The following VPS13B variants were observed in gnomAD, a reference collection of about 807,000 sequenced individuals.
VPS13B encodes the protein intermembrane lipid transfer protein VPS13B.
In VPS13B, 285 loss-of-function variants were observed where a neutral mutation model predicts 426.4. That is an observed-to-expected ratio of 0.67 (90% CI 0.61 to 0.74). The LOEUF (loss-of-function observed/expected upper bound fraction) is 0.74. Ranked by LOEUF, VPS13B falls within the 30% of genes least tolerant of loss-of-function variation. The probability of loss-of-function intolerance (pLI) is 0.00; values close to 1 mark genes in which losing one functional copy is unlikely to be tolerated. For missense variants in VPS13B, 4,537 were observed against 4,782.6 expected (o/e 0.95, Z 1.51); for synonymous variants, 1,676 against 1,676.4 (o/e 1.00, Z 0.01).
At chr8:99,502,667 A>G (rs1360845282) in intron 26 of VPS13B, among the ~76,000 whole-genome samples, 169 bp from the exon 27 acceptor site, 1 of 152,234 alleles carries the variant, frequency 6.6e-6, no homozygotes, top group Non-Finnish European at 1.5e-5. Flanking sequence ...TAAATGTCTT[A>G]TCTTAATAAA....
intron 33 of VPS13B, among the ~76,000 whole-genome samples, chr8:99,606,801 A>G (rs922498057): frequency 1.3e-5 from 2 of 151,492 alleles, no homozygotes; most frequent in African/African-American, 4.9e-5. Context: ...CTAATTTTGT[A>G]TTTTCTAGAG....
At chr8:99,317,998 T>C (rs569660417) in intron 19 of VPS13B, among the ~76,000 whole-genome samples, 1 of 152,204 alleles carries the variant, frequency 6.6e-6, no homozygotes, top group Non-Finnish European at 1.5e-5. Context: ...GTTAGGAACA[T>C]TACGGAGCCT....
At chr8:99,103,809 G>GT (rs1405473817) in intron 5 of VPS13B, among the ~76,000 whole-genome samples, 5 of 151,962 alleles carry the variant, frequency 3.3e-5, no homozygotes, top group Admixed American at 6.6e-5. Context: ...AAATTTTTGT[G>GT]TTTTTTTGTA....
At chr8:99,757,762 C>CAT (rs1810713078) in intron 39 of VPS13B, among the ~76,000 whole-genome samples, 1 of 152,288 alleles carries the variant, frequency 6.6e-6, no homozygotes, top group East Asian at 1.9e-4. Flanking sequence ...GGCAGATATA[C>CAT]AACCTAAGAT....
At chr8:99,257,677 T>A (rs1489502412) in intron 17 of VPS13B, among the ~76,000 whole-genome samples, 1 of 152,196 alleles carries the variant, frequency 6.6e-6, no homozygotes, top group Non-Finnish European at 1.5e-5. Context: ...CAAATATTTT[T>A]AAAAATCTTT....
intron 42 of VPS13B, among the ~76,000 whole-genome samples, chr8:99,779,579 C>G (rs1175485524): frequency 6.6e-6 from 1 of 151,940 alleles, no homozygotes; most frequent in African/African-American, 2.4e-5. Context: ...AATTAGAGAG[C>G]CTTGATTATT....
intron 25 of VPS13B, among the ~76,000 whole-genome samples, chr8:99,500,747 C>A (rs1821185599): frequency 6.6e-6 from 1 of 152,146 alleles, no homozygotes; most frequent in Admixed American, 6.5e-5. Context: ...AAACGGACAG[C>A]AAAGTTTGGG....
intron 5 of VPS13B, among the ~76,000 whole-genome samples, chr8:99,104,099 C>T (rs1846914093): frequency 6.6e-6 from 1 of 152,144 alleles, no homozygotes; most frequent in African/African-American, 2.4e-5. Flanking sequence ...ATAGAGTGTA[C>T]TTACACAAAC....
intron 7 of VPS13B, among the ~76,000 whole-genome samples, chr8:99,116,367 A>C (rs979055441): frequency 6.6e-6 from 1 of 151,728 alleles, no homozygotes; most frequent in African/African-American, 2.4e-5. Flanking sequence ...GCTGGATAAC[A>C]TTCTGATTTT....
At chr8:99,685,166 A>G (rs1455560935) in intron 35 of VPS13B, among the ~76,000 whole-genome samples, 3 of 152,242 alleles carry the variant, frequency 2.0e-5, no homozygotes, top group Admixed American at 1.3e-4. Context: ...CAAAACTTCA[A>G]TAAATATACC....
At position 99,721,025 on chromosome 8, in the gene VPS13B, C is replaced by A. The variant is rs2130343810; in HGVS notation, c.7028C>A (p.Ala2343Glu). 1 of 1,613,968 alleles carries A rather than the reference C, an allele frequency of 6.2e-7. No individual in the cohort carries two copies. The highest frequency in any genetic ancestry group is 2.2e-5 in the East Asian group (1 of 44,852). ...ACAGAGGATCCAGATATTAGCACAG[C>A]AGACCTTGGTGATGTGCTACAGGTA... is the stretch of plus-strand genomic sequence containing the variant. ...NTTEDPDIST[A>E]DLGDVLQVPC... Residue 2343 changes from alanine (A) to glutamate (E), a missense_variant, in exon 39 of 62, where the codon GCA becomes GAA. Transcript: ENST00000357162.
intron 21 of VPS13B, among the ~76,000 whole-genome samples, chr8:99,392,371 T>C (rs1814492970): frequency 6.6e-6 from 1 of 152,192 alleles, no homozygotes; most frequent in Admixed American, 6.5e-5. Context: ...AAAATAATTT[T>C]TATGATTTTA....
intron 20 of VPS13B, among the ~76,000 whole-genome samples, chr8:99,385,586 A>C (rs997695589): frequency 6.6e-6 from 1 of 152,258 alleles, no homozygotes; most frequent in African/African-American, 2.4e-5. Context: ...CCATGGCCAC[A>C]GAAATAAAAG....
intron 47 of VPS13B, 129 bp from the exon 48 acceptor site, chr8:99,819,283 C>A: frequency 9.3e-7 from 1 of 1,077,786 alleles, no homozygotes; most frequent in Non-Finnish European, 1.4e-6. Context: ...ACACACTGTC[C>A]CATAAATGGA....
intron 2 of VPS13B, among the ~76,000 whole-genome samples, chr8:99,033,098 C>G (rs1398026014): frequency 2.0e-5 from 3 of 152,130 alleles, no homozygotes; most frequent in Non-Finnish European, 4.4e-5. Flanking sequence ...AGCATTTATA[C>G]TGTCCTTTAC....
chr8:99,296,012 A>G (rs1259459907), intron 19 of VPS13B, among the ~76,000 whole-genome samples: 1 of 152,158 alleles, frequency 6.6e-6, no homozygotes, highest in Non-Finnish European at 1.5e-5. Flanking sequence ...CATCCTGGGC[A>G]ATACAGTGAG....
At chr8:99,304,619 C>T (rs748139290) in intron 19 of VPS13B, among the ~76,000 whole-genome samples, 17 of 152,096 alleles carry the variant, frequency 1.1e-4, no homozygotes, top group Non-Finnish European at 1.8e-4. Flanking sequence ...TTCATGAGCA[C>T]ATTAGACCCA....
intron 17 of VPS13B, among the ~76,000 whole-genome samples, chr8:99,240,368 T>C (rs1816858961): frequency 6.6e-6 from 1 of 152,198 alleles, no homozygotes; most frequent in Non-Finnish European, 1.5e-5. Context: ...ACTTGAGAAC[T>C]AAATATTTTA....
chr8:99,016,716 C>T (rs1295312303), intron 2 of VPS13B, among the ~76,000 whole-genome samples: 1 of 151,340 alleles, frequency 6.6e-6, no homozygotes, highest in Non-Finnish European at 1.5e-5. Flanking sequence ...CTCAGCCTCC[C>T]GAGTAACTGG....
Sources: allele counts gnomAD v4.1 joint callset (sites outside exome capture counted in the v4.1 genomes callset), GRCh38; gene constraint gnomAD v4.1.1; transcripts MANE v1.5; gene names NCBI Gene and HGNC (gene_info 2026-07-23, HGNC 2026-07-21).